Variants in TIMP3 observed in about 807,000 individuals in gnomAD.
TIMP3 encodes metalloproteinase inhibitor 3.
Under a neutral mutation model 30.0 loss-of-function variants are expected in TIMP3, and 11 were observed. The observed-to-expected ratio is 0.37, with a 90% confidence interval of 0.23 to 0.61. The LOEUF (loss-of-function observed/expected upper bound fraction) is 0.61. Ranked by LOEUF, TIMP3 falls within the 20% of genes least tolerant of loss-of-function variation. The pLI, the probability that TIMP3 is intolerant of heterozygous loss-of-function variation, is 0.70. For missense variants in TIMP3, 181 were observed against 276.8 expected (o/e 0.65, Z 2.45); for synonymous variants, 112 against 111.3 (o/e 1.01, Z -0.04).
chr22:32,829,362 C>T (rs918108348), intron 1 of TIMP3, among the ~76,000 whole-genome samples: 16 of 152,232 alleles, frequency 1.1e-4, no homozygotes, highest in Admixed American at 6.5e-4. Flanking sequence ...CGGAGCAAGG[C>T]AACATGTCCC....
intron 2 of TIMP3, among the ~76,000 whole-genome samples, 173 bp from the exon 3 acceptor site, chr22:32,857,076 T>C (rs1034717478): frequency 6.6e-6 from 1 of 152,206 alleles, no homozygotes; most frequent in Admixed American, 6.5e-5. Flanking sequence ...GGCACTTAGG[T>C]TGATTTCATA....
chr22:32,834,319 A>AT (rs1406376891), intron 1 of TIMP3, among the ~76,000 whole-genome samples: 3 of 45,358 alleles, frequency 6.6e-5, no homozygotes, highest in African/African-American at 1.4e-4. Context: ...CATCTGGCTA[A>AT]TTTATTTTTT....
intron 1 of TIMP3, among the ~76,000 whole-genome samples, chr22:32,814,168 A>G (rs5754293): frequency 0.028 from 2,644 of 93,898 alleles, 16 homozygotes; most frequent in South Asian, 0.046. Context: ...GAGAGAGAGA[A>G]AGAGAAAGAA....
intron 1 of TIMP3, among the ~76,000 whole-genome samples, chr22:32,845,088 A>C (rs894392365): frequency 1.3e-5 from 2 of 152,288 alleles, no homozygotes; most frequent in Non-Finnish European, 1.5e-5. Flanking sequence ...TCCTAAGAGC[A>C]AAAGAAATTC....
chr22:32,847,615 A>T (rs2048104886), intron 1 of TIMP3, among the ~76,000 whole-genome samples: 1 of 152,234 alleles, frequency 6.6e-6, no homozygotes, highest in Non-Finnish European at 1.5e-5. Context: ...TTTTAAAAAC[A>T]GAGATTAGAG....
rs540551035 is a variant in TIMP3 at position 32,856,288 on chromosome 22, G to A, written c.205-961G>A. Among the ~76,000 whole-genome samples the A allele has an allele frequency of 4.6e-5, 7 of 152,232 alleles. No individual in the cohort carries two copies. In the South Asian group the frequency reaches 6.2e-4, roughly 14 times the overall value. Reference sequence around the variant, plus strand: ...GCTGGGATGTCAGACATGTGTAGCCGAAGGAGTGTTGTGGGGCAGTTGGAA... The same window carrying A: ...GCTGGGATGTCAGACATGTGTAGCCAAAGGAGTGTTGTGGGGCAGTTGGAA... On this transcript the variant is annotated intron_variant, in intron 2 of 4. Transcript: ENST00000266085.
chr22:32,856,092 G>T (rs1407954090), intron 2 of TIMP3, among the ~76,000 whole-genome samples: 2 of 152,154 alleles, frequency 1.3e-5, no homozygotes, highest in Non-Finnish European at 2.9e-5. Context: ...TCCCTCCCAG[G>T]GCTCTTTTAA....
chr22:32,856,963 A>ATT (rs2048386798), intron 2 of TIMP3, among the ~76,000 whole-genome samples: 1 of 152,202 alleles, frequency 6.6e-6, no homozygotes, highest in Admixed American at 6.5e-5. Flanking sequence ...CTCCAGTTCC[A>ATT]GCTGCATTGC....
intron 2 of TIMP3, among the ~76,000 whole-genome samples, chr22:32,850,205 A>C (rs1220707768): frequency 6.6e-6 from 1 of 151,648 alleles, no homozygotes; most frequent in Non-Finnish European, 1.5e-5. Flanking sequence ...CTTAAGAAAA[A>C]GAACACCAGA....
Position 32,802,126 on chromosome 22 carries a change from A to G in TIMP3, c.121+4A>G, listed in dbSNP as rs886057433. On this transcript the variant is annotated splice_donor_region_variant and intron_variant, in intron 1 of 4. Transcript: ENST00000266085. The stretch of plus-strand genomic sequence containing the variant: ...GCCTTCTGCAACTCCGACATCGGTA[A>G]GCGCTCCTGGTGCCCCGCCCGAGCC... The G allele has an allele frequency of 3.1e-5, 49 of 1,580,524 alleles. No individual in the cohort carries two copies. The highest frequency in any genetic ancestry group is 4.1e-5 in the Non-Finnish European group (48 of 1,169,482).
At chr22:32,848,673 T>C (rs535147052) in intron 1 of TIMP3, among the ~76,000 whole-genome samples, 1 of 152,258 alleles carries the variant, frequency 6.6e-6, no homozygotes, top group Non-Finnish European at 1.5e-5. Context: ...ATTTGTCATC[T>C]TGACTAATCC....
chr22:32,840,065 G>A (rs556974148), intron 1 of TIMP3, among the ~76,000 whole-genome samples: 2 of 152,198 alleles, frequency 1.3e-5, no homozygotes, highest in South Asian at 4.2e-4. Context: ...CGGAACACAA[G>A]GCAGGTACTG....
rs1172009610 is a variant in TIMP3, at chr22:32,857,277, A to G, written c.233A>G (p.His78Arg). 6.2e-7 allele frequency: 1 copy of G among 1,614,082 alleles called. No homozygotes were observed. Among genetic ancestry groups the G allele is most frequent in the Non-Finnish European group, 8.5e-7 (1 of 1,179,988 alleles). ...KMYRGFTKMP[H>R]VQYIHTEASE... is the part of the protein sequence containing the mutation. ...TACCGAGGCTTCACCAAGATGCCCCATGTGCAGTACATCCATACGGAAGCT... is the reference window on the plus strand; with the variant it reads ...TACCGAGGCTTCACCAAGATGCCCCGTGTGCAGTACATCCATACGGAAGCT... Residue 78 changes from histidine (H) to arginine (R), a missense_variant, in exon 3 of 5, where the codon CAT becomes CGT. Transcript: ENST00000266085.
chr22:32,833,756 C>T (rs937331594), intron 1 of TIMP3: 12 of 496,502 alleles, frequency 2.4e-5, no homozygotes, highest in African/African-American at 8.0e-5. Flanking sequence ...TTACAGGCCT[C>T]GATTTCTAAA....
chr22:32,815,621 A>G (rs1366594230), intron 1 of TIMP3, among the ~76,000 whole-genome samples: 1 of 152,222 alleles, frequency 6.6e-6, no homozygotes, highest in Non-Finnish European at 1.5e-5. Flanking sequence ...TAAGATCTTT[A>G]TATACATATA....
intron 1 of TIMP3, among the ~76,000 whole-genome samples, chr22:32,840,416 C>G (rs942320414): frequency 1.3e-5 from 2 of 152,012 alleles, no homozygotes; most frequent in African/African-American, 2.4e-5. Flanking sequence ...CCTGGGGGAC[C>G]AGGGTAGGAT....
At chr22:32,836,252 C>A (rs1346833611) in intron 1 of TIMP3, among the ~76,000 whole-genome samples, 1 of 152,168 alleles carries the variant, frequency 6.6e-6, no homozygotes, top group Admixed American at 6.5e-5. Context: ...TGACACAATG[C>A]CTGGCACATA....
intron 1 of TIMP3, 77 bp downstream of exon 1, chr22:32,802,199 C>G (rs1488259606): frequency 1.3e-6 from 2 of 1,516,814 alleles, no homozygotes; most frequent in African/African-American, 2.8e-5. Context: ...GCAGGGCGAG[C>G]CCCACTCCTT....
chr22:32,816,069 G>T (rs1383615932), intron 1 of TIMP3, among the ~76,000 whole-genome samples: 1 of 152,140 alleles, frequency 6.6e-6, no homozygotes, highest in Non-Finnish European at 1.5e-5. Flanking sequence ...GGCTTGGCTG[G>T]TTCCCAGGCT....
Sources: allele counts gnomAD v4.1 joint callset (sites outside exome capture counted in the v4.1 genomes callset), GRCh38; gene constraint gnomAD v4.1.1; transcripts MANE v1.5; gene names NCBI Gene and HGNC (gene_info 2026-07-23, HGNC 2026-07-21).